The following SPATA13 variants were observed in gnomAD, a reference collection of about 807,000 sequenced individuals.
SPATA13 encodes the protein spermatogenesis-associated protein 13.
A neutral mutation model predicts 104.0 loss-of-function variants in SPATA13; 50 were observed. The observed-to-expected ratio is 0.48, with a 90% confidence interval of 0.38 to 0.61. The LOEUF (loss-of-function observed/expected upper bound fraction) is 0.61. Among genes scored for constraint, SPATA13 ranks in the 20% least tolerant of loss-of-function variants. The pLI is 0.00. For missense variants in SPATA13, 1,524 were observed against 1,690.6 expected (o/e 0.90, Z 1.73); for synonymous variants, 606 against 667.5 (o/e 0.91, Z 1.42).
chr13:24,014,313 T>C (rs540018567), intron 2 of SPATA13, among the ~76,000 whole-genome samples: 66 of 152,232 alleles, frequency 4.3e-4, no homozygotes, highest in African/African-American at 1.5e-3. Flanking sequence ...ATAACTAAAG[T>C]TGACAACTCG....
At chr13:24,197,133 A>G (rs1010301984) in intron 1 of SPATA13, among the ~76,000 whole-genome samples, 1 of 152,210 alleles carries the variant, frequency 6.6e-6, no homozygotes, top group East Asian at 1.9e-4. Context: ...AGTCTTGAGA[A>G]AAGACCCATC....
At chr13:24,149,285 G>A (rs1000375356) in intron 3 of SPATA13, among the ~76,000 whole-genome samples, 1 of 152,170 alleles carries the variant, frequency 6.6e-6, no homozygotes, top group Non-Finnish European at 1.5e-5. Context: ...CAAGAGAGAA[G>A]AGAGAACACC....
At chr13:23,989,151 C>T (rs868762788) in intron 2 of SPATA13, among the ~76,000 whole-genome samples, 2 of 152,062 alleles carry the variant, frequency 1.3e-5, no homozygotes, top group East Asian at 1.9e-4. Flanking sequence ...TGGCTGGGCG[C>T]GGTGGCTCAT....
At chr13:24,218,738 T>G (rs1871401222) in intron 1 of SPATA13, among the ~76,000 whole-genome samples, 1 of 150,998 alleles carries the variant, frequency 6.6e-6, no homozygotes, top group Non-Finnish European at 1.5e-5. Context: ...TTTTTTAATC[T>G]CATCAGCAGT....
At chr13:24,002,999 C>T (rs1342797412) in intron 2 of SPATA13, among the ~76,000 whole-genome samples, 3 of 152,134 alleles carry the variant, frequency 2.0e-5, no homozygotes, top group Non-Finnish European at 4.4e-5. Context: ...TGTTCTTCTT[C>T]TGTTAATTCT....
At chr13:24,009,262 C>T (rs949963261) in intron 2 of SPATA13, among the ~76,000 whole-genome samples, 1 of 152,236 alleles carries the variant, frequency 6.6e-6, no homozygotes, top group Admixed American at 6.5e-5. Flanking sequence ...TCCCATGGTC[C>T]TGTGAACCAA....
At chr13:24,122,004 C>T in intron 3 of SPATA13, 1 of 1,158,778 alleles carries the variant, frequency 8.6e-7, no homozygotes, top group Non-Finnish European at 1.3e-6. Context: ...CTTCTGGAAC[C>T]ACTGCTAGGA....
intron 3 of SPATA13, among the ~76,000 whole-genome samples, chr13:24,097,162 C>T (rs1204815353): frequency 6.6e-6 from 1 of 152,046 alleles, no homozygotes; most frequent in East Asian, 1.9e-4. Flanking sequence ...GTCAGTGCAC[C>T]CGGCATGGGT....
intron 1 of SPATA13, among the ~76,000 whole-genome samples, chr13:24,218,242 C>G (rs144612930): frequency 1.3e-5 from 2 of 152,280 alleles, no homozygotes; most frequent in Non-Finnish European, 2.9e-5. Flanking sequence ...GAAGGTAATG[C>G]AGGCTGGGAA....
At chr13:24,277,489 A>C (rs1302301880) in intron 4 of SPATA13, among the ~76,000 whole-genome samples, 3 of 146,388 alleles carry the variant, frequency 2.0e-5, no homozygotes, top group Non-Finnish European at 4.5e-5. Flanking sequence ...GAAGTAATAT[A>C]TAGGATGGCT....
In SPATA13 at chr13:24,284,125, T is replaced by C; in HGVS notation, c.2165-10T>C. On this transcript the variant is annotated splice_polypyrimidine_tract_variant and intron_variant, in intron 4 of 12. Coordinates refer to ENST00000382108, the MANE Select transcript of SPATA13 (RefSeq NM_001166271.3). The stretch of plus-strand genomic sequence containing the variant: ...TCTTTTAAATCATGCCTTTGTTTTG[T>C]ATGTTTTAGTTTCTTCAGATGGAGG... The C allele has an allele frequency of 2.5e-6, 4 of 1,599,406 alleles. No homozygotes were observed. Among genetic ancestry groups the C allele is most frequent in the Non-Finnish European group, 3.4e-6 (4 of 1,169,898 alleles).
At chr13:24,207,990 A>T (rs866100193) in intron 1 of SPATA13, among the ~76,000 whole-genome samples, 2 of 152,132 alleles carry the variant, frequency 1.3e-5, no homozygotes, top group Non-Finnish European at 2.9e-5. Flanking sequence ...CTCCTCCTCC[A>T]CCTCATGTGT....
intron 2 of SPATA13, among the ~76,000 whole-genome samples, chr13:23,993,221 T>A (rs879888226): frequency 6.6e-6 from 1 of 152,238 alleles, no homozygotes; most frequent in Non-Finnish European, 1.5e-5. Context: ...ACTTTGCAAC[T>A]GCAGAATCAC....
chr13:24,202,221 A>T (rs1010890471), intron 1 of SPATA13, among the ~76,000 whole-genome samples: 1 of 151,976 alleles, frequency 6.6e-6, no homozygotes, highest in African/African-American at 2.4e-5. Context: ...GTGTGTTGTG[A>T]GTTTACTTTT....
In SPATA13 at chr13:24,249,460, C is replaced by G. The variant is rs569666907; in HGVS notation, c.1654-17C>G. 1.6e-5 allele frequency: 25 copies of G among 1,526,520 alleles called. No homozygotes were observed. Among genetic ancestry groups the G allele is most frequent in the Non-Finnish European group, 2.2e-5 (25 of 1,133,960 alleles). 94.6% of individuals were successfully genotyped at this position (1,526,520 alleles called of 1,614,324 possible). A position where few individuals can be genotyped will look rare whatever the true frequency, so the allele number is the denominator to read the frequency against. On this transcript the variant is annotated splice_polypyrimidine_tract_variant and intron_variant, in intron 2 of 12. Transcript: ENST00000382108. ...TTCCTGGATATTGAGCTCACCTGAC[C>G]TGTTCGCATTTGAAAGGTCGTCCCT... is the stretch of plus-strand genomic sequence containing the variant.
intron 3 of SPATA13, among the ~76,000 whole-genome samples, chr13:24,115,584 T>C (rs1880807245): frequency 6.6e-6 from 1 of 152,352 alleles, no homozygotes; most frequent in African/African-American, 2.4e-5. Flanking sequence ...TCCCTTCATG[T>C]CCATGGAAAA....
chr13:24,099,667 GTAGCTGTCAC>G (rs1880193118), intron 3 of SPATA13, among the ~76,000 whole-genome samples: 1 of 152,222 alleles, frequency 6.6e-6, no homozygotes, highest in Admixed American at 6.5e-5. Flanking sequence ...GCCCCTGGAT[GTAGCTGTCAC>G]CTTACAGGAA....
intron 2 of SPATA13, among the ~76,000 whole-genome samples, chr13:24,005,618 AG>A (rs1163428552): frequency 6.6e-6 from 1 of 151,802 alleles, no homozygotes; most frequent in African/African-American, 2.4e-5. Flanking sequence ...AGGGGGTGGG[AG>A]AGGGATGGGG....
chr13:24,173,611 A>G (rs1035918361), intron 1 of SPATA13, among the ~76,000 whole-genome samples: 7 of 150,966 alleles, frequency 4.6e-5, no homozygotes, highest in African/African-American at 1.7e-4. Flanking sequence ...GTTCATTATC[A>G]AGTTGAGGAT....
Sources: gnomAD v4.1 joint callset for allele counts (sites outside exome capture counted in the v4.1 genomes callset) on GRCh38, gnomAD v4.1.1 for gene constraint, MANE v1.5 for transcripts, NCBI Gene and HGNC (gene_info 2026-07-23, HGNC 2026-07-21) for gene names.